The following CDH18 variants were observed in gnomAD, a reference collection of about 807,000 sequenced individuals.
The protein encoded by CDH18 is cadherin-18.
Under a neutral mutation model 67.9 loss-of-function variants are expected in CDH18, and 31 were observed. The ratio of observed to expected loss-of-function variants is 0.46; its 90% CI spans 0.34 to 0.62. The LOEUF (loss-of-function observed/expected upper bound fraction) is 0.62, where lower values mean the gene tolerates loss of function less well. Among genes scored for constraint, CDH18 ranks in the 20% least tolerant of loss-of-function variants. The probability of loss-of-function intolerance (pLI) is 0.01; values close to 1 mark genes in which losing one functional copy is unlikely to be tolerated. For synonymous variants in CDH18, 362 were observed against 347.2 expected (o/e 1.04, Z -0.48); for missense variants, 890 against 975.5 (o/e 0.91, Z 1.17).
At chr5:20,551,318 C>T (rs1757620027) in intron 1 of CDH18, among the ~76,000 whole-genome samples, 1 of 152,134 alleles carries the variant, frequency 6.6e-6, no homozygotes, top group Admixed American at 6.5e-5. Context: ...GTTTAATCAG[C>T]TCCTGACTTT....
chr5:19,872,786 A>C (rs2150026253), intron 2 of CDH18, among the ~76,000 whole-genome samples: 1 of 152,292 alleles, frequency 6.6e-6, no homozygotes, highest in Admixed American at 6.5e-5. Flanking sequence ...AAAGCACGGT[A>C]ATTTGTTACA....
intron 2 of CDH18, among the ~76,000 whole-genome samples, chr5:20,221,480 G>A (rs1273546898): frequency 2.0e-5 from 3 of 152,174 alleles, no homozygotes; most frequent in Admixed American, 6.5e-5. Context: ...TGTAGCGCGG[G>A]GTTGGGGGAG....
intron 2 of CDH18, among the ~76,000 whole-genome samples, chr5:20,000,100 A>C (rs966574422): frequency 3.3e-5 from 5 of 152,146 alleles, no homozygotes; most frequent in Non-Finnish European, 7.3e-5. Flanking sequence ...CAGTAGGAAA[A>C]GTGTTCCTAG....
chr5:19,486,128 A>G (rs1258142634), intron 11 of CDH18, among the ~76,000 whole-genome samples: 2 of 152,120 alleles, frequency 1.3e-5, no homozygotes, highest in African/African-American at 4.8e-5. Flanking sequence ...AGAGCTTCCC[A>G]CCTAGAAAGG....
intron 2 of CDH18, among the ~76,000 whole-genome samples, chr5:19,926,131 T>C (rs755122394): frequency 7.2e-5 from 11 of 152,144 alleles, no homozygotes; most frequent in Admixed American, 2.0e-4. Flanking sequence ...ATTTGTTCCA[T>C]GTATTTATTG....
At position 19,664,198 on chromosome 5, in the gene CDH18, C is replaced by T. The variant is rs141217325; in HGVS notation, c.644-51597G>A. ...CACTCATAGTAGCCCTTTCAACAAT[C>T]AGAGAAATTTGTTCCAGAGAAAATA... is the stretch of plus-strand genomic sequence containing the variant. On this transcript the variant is annotated intron_variant, in intron 5 of 12. Coordinates refer to ENST00000382275, the MANE Select transcript of CDH18 (RefSeq NM_004934.5). Among the ~76,000 whole-genome samples the T allele has an allele frequency of 3.9e-5, 6 of 151,922 alleles. No homozygotes were observed. The East Asian group carries it at 9.7e-4, about 25-fold the overall frequency.
At chr5:19,653,178 A>G (rs1755825416) in intron 5 of CDH18, among the ~76,000 whole-genome samples, 1 of 151,936 alleles carries the variant, frequency 6.6e-6, no homozygotes, top group South Asian at 2.1e-4. Context: ...CCGCCATTAC[A>G]TTTACACCAA....
At chr5:20,462,981 A>T (rs1490131564) in intron 1 of CDH18, among the ~76,000 whole-genome samples, 1 of 152,180 alleles carries the variant, frequency 6.6e-6, no homozygotes, top group African/African-American at 2.4e-5. Flanking sequence ...CTGGAGCAAA[A>T]CTGCAAAGAC....
At chr5:20,325,605 C>T (rs540289571) in intron 1 of CDH18, among the ~76,000 whole-genome samples, 1 of 152,086 alleles carries the variant, frequency 6.6e-6, no homozygotes, top group East Asian at 1.9e-4. Context: ...CTTTTATTTT[C>T]AGTCCATTAG....
intron 5 of CDH18, among the ~76,000 whole-genome samples, chr5:19,652,475 G>A (rs1561545248): frequency 6.6e-6 from 1 of 152,048 alleles, no homozygotes; most frequent in East Asian, 1.9e-4. Context: ...ATATTCTATT[G>A]ATATGTGCAG....
chr5:20,026,960 TA>T (rs1213316442), intron 2 of CDH18, among the ~76,000 whole-genome samples: 34 of 135,232 alleles, frequency 2.5e-4, no homozygotes, highest in South Asian at 4.5e-4. Context: ...GTTTCAAACA[TA>T]AAAAAAAAAT....
chr5:20,392,645 A>AC (rs1467370961), intron 1 of CDH18, among the ~76,000 whole-genome samples: 12 of 151,882 alleles, frequency 7.9e-5, no homozygotes, highest in African/African-American at 2.9e-4. Flanking sequence ...GCTGATGAAG[A>AC]CGGGTCTGGA....
At chr5:19,577,642 T>G (rs1039289855) in intron 7 of CDH18, among the ~76,000 whole-genome samples, 20 of 152,186 alleles carry the variant, frequency 1.3e-4, no homozygotes, top group Non-Finnish European at 2.6e-4. Context: ...TTAGAAATGT[T>G]GACCTGATGA....
intron 2 of CDH18, among the ~76,000 whole-genome samples, chr5:19,930,802 T>G (rs1480174447): frequency 6.6e-6 from 1 of 151,992 alleles, no homozygotes; most frequent in African/African-American, 2.4e-5. Context: ...GATGATCATG[T>G]CTTCATTTAC....
intron 11 of CDH18, among the ~76,000 whole-genome samples, chr5:19,486,883 A>G (rs1394272537): frequency 3.1e-4 from 47 of 152,196 alleles, no homozygotes; most frequent in Admixed American, 3.1e-3. Context: ...CTGAATAAAG[A>G]GAAAACATAG....
chr5:19,594,934 C>T (rs1462880765), intron 6 of CDH18, among the ~76,000 whole-genome samples: 1 of 151,732 alleles, frequency 6.6e-6, no homozygotes, highest in Non-Finnish European at 1.5e-5. Flanking sequence ...GAAGACATAG[C>T]CAGAGCAATT....
intron 1 of CDH18, among the ~76,000 whole-genome samples, chr5:20,538,246 G>A (rs1279722213): frequency 3.3e-5 from 5 of 152,132 alleles, no homozygotes; most frequent in South Asian, 2.1e-4. Context: ...GGATGCAGAC[G>A]TGGGCAGGGT....
intron 1 of CDH18, among the ~76,000 whole-genome samples, chr5:20,416,992 A>T (rs1010035881): frequency 6.6e-6 from 1 of 152,158 alleles, no homozygotes; most frequent in Non-Finnish European, 1.5e-5. Context: ...GTAGAGAAAA[A>T]TAATATTCAA....
At position 20,398,551 on chromosome 5, in the gene CDH18, C is replaced by T. The variant is rs181942783; in HGVS notation, c.-579-143046G>A. 3.5e-4 allele frequency among the ~76,000 whole-genome samples: 54 copies of T among 152,218 alleles called. 1 individual carries two copies. Among genetic ancestry groups the T allele is most frequent in the Middle Eastern group, 6.8e-3 (2 of 294 alleles). The stretch of plus-strand genomic sequence containing the variant: ...AAAGCATGGAAGCTGGCATCAAAAG[C>T]AATGAAACGTCCTAATGCGGGGCTT... On this transcript the variant is annotated intron_variant, in intron 1 of 14. Transcript: ENST00000507958.
Sources: gnomAD v4.1 joint callset for allele counts (sites outside exome capture counted in the v4.1 genomes callset) on GRCh38, gnomAD v4.1.1 for gene constraint, MANE v1.5 for transcripts, NCBI Gene and HGNC (gene_info 2026-07-23, HGNC 2026-07-21) for gene names.